GPR137C: variants seen among roughly 807,000 people sequenced by gnomAD.
GPR137C encodes the protein G protein-coupled receptor 137C.
In GPR137C, 27 loss-of-function variants were observed where a neutral mutation model predicts 43.4. The observed-to-expected ratio is 0.62, with a 90% CI of 0.46 to 0.86. The LOEUF is 0.86. Among genes scored for constraint, GPR137C ranks in the 40% least tolerant of loss-of-function variants. GPR137C has a pLI of 0.00. For missense variants in GPR137C, 522 were observed against 534.6 expected, an observed-to-expected ratio of 0.98 and a Z score of 0.23; for synonymous variants, 285 against 226.9, an observed-to-expected ratio of 1.26 and a Z score of -2.30.
chr14:52,625,532 CTTTTTTTTTTTTTTTTT>C (rs770278309), intron 3 of GPR137C, among the ~76,000 whole-genome samples: 21 of 36,076 alleles, frequency 5.8e-4, no homozygotes, highest in African/African-American at 1.3e-3. Context: ...AAGAACACAT[CTTTTTTTTTTTTTTTTT>C]TTTTTTTTTT....
intron 1 of GPR137C, among the ~76,000 whole-genome samples, chr14:52,575,900 A>G (rs2038543524): frequency 6.6e-6 from 1 of 152,184 alleles, no homozygotes; most frequent in Non-Finnish European, 1.5e-5. Flanking sequence ...ACAACCTCCC[A>G]GTTATCTTCT....
chr14:52,633,969 G>T (rs1025998570), intron 6 of GPR137C, 23 bp downstream of exon 6: 1 of 1,300,844 alleles, frequency 7.7e-7, no homozygotes, highest in Non-Finnish European at 1.1e-6. Flanking sequence ...AAGCCACTTA[G>T]CCTGAATTAC....
At chr14:52,615,239 C>G (rs2039085183) in intron 3 of GPR137C, among the ~76,000 whole-genome samples, 1 of 152,072 alleles carries the variant, frequency 6.6e-6, no homozygotes, top group Non-Finnish European at 1.5e-5. Context: ...GTTCTTGGCA[C>G]CTTTGTCAAA....
At chr14:52,605,940 T>C (rs2038979131) in intron 3 of GPR137C, among the ~76,000 whole-genome samples, 1 of 152,238 alleles carries the variant, frequency 6.6e-6, no homozygotes, top group Non-Finnish European at 1.5e-5. Context: ...TGAATTCTGT[T>C]TGCCAGTATT....
chr14:52,615,917 T>TTTAAA, intron 3 of GPR137C, among the ~76,000 whole-genome samples: 1 of 152,376 alleles, frequency 6.6e-6, no homozygotes, highest in Admixed American at 6.5e-5. Flanking sequence ...AAATACTAGT[T>TTTAAA]ATTGTAAATT....
intron 3 of GPR137C, among the ~76,000 whole-genome samples, chr14:52,619,701 A>G (rs1362100581): frequency 6.6e-6 from 1 of 152,070 alleles, no homozygotes; most frequent in Admixed American, 6.6e-5. Context: ...TTCCATGGCC[A>G]GATAGCCCAC....
intron 3 of GPR137C, among the ~76,000 whole-genome samples, chr14:52,625,241 C>T (rs866887590): frequency 5.3e-5 from 8 of 151,858 alleles, no homozygotes; most frequent in African/African-American, 1.5e-4. Context: ...CCCAGGGCTT[C>T]GGGAAGCCGA....
intron 3 of GPR137C, among the ~76,000 whole-genome samples, chr14:52,621,506 G>A (rs2039160508): frequency 2.6e-5 from 4 of 151,864 alleles, no homozygotes; most frequent in Admixed American, 1.3e-4. Context: ...AAATATGTGG[G>A]TAAATATGAT....
chr14:52,624,205 A>G (rs1341568152), intron 3 of GPR137C, among the ~76,000 whole-genome samples: 2 of 149,790 alleles, frequency 1.3e-5, no homozygotes, highest in Non-Finnish European at 3.0e-5. Context: ...AATTCTAAAT[A>G]ACCCATGGGT....
rs1284255216 is a variant in GPR137C at position 52,637,416 on chromosome 14, G to A, written c.*2301G>A. On this transcript the variant is annotated 3_prime_UTR_variant, in exon 7 of 7. Transcript: ENST00000321662. ...AAAGTGAATTTCATTACTTAAGTGT[G>A]TAATTCTATAGTGATTAGCAGTATT... 1 of 152,086 alleles carries A rather than the reference G, an allele frequency of 6.6e-6. No homozygotes were observed. Among genetic ancestry groups the A allele is most frequent in the African/African-American group, 2.4e-5 (1 of 41,384 alleles). 9.4% of individuals were successfully genotyped at this position (152,086 alleles called of 1,614,324 possible).
intron 1 of GPR137C, among the ~76,000 whole-genome samples, chr14:52,571,338 T>G (rs917359958): frequency 6.6e-6 from 1 of 152,076 alleles, no homozygotes; most frequent in African/African-American, 2.4e-5. Context: ...GCTAAAGCAG[T>G]GTTTAGAGGG....
At chr14:52,633,433 A>G in intron 4 of GPR137C, 97 bp from the exon 5 acceptor site, 2 of 975,470 alleles carry the variant, frequency 2.1e-6, no homozygotes, top group Admixed American at 2.4e-5. Flanking sequence ...TGTAGTTGAT[A>G]TATTTTATCT....
Position 52,635,446 on chromosome 14 carries a change from G to C in GPR137C, c.*331G>C, listed in dbSNP as rs951460710. Reference sequence around the variant, plus strand: ...GCAGTCCCCAAAGTCATATGCCAATGTTCACACTGAAATACTGTATTGTAC... The same window carrying C: ...GCAGTCCCCAAAGTCATATGCCAATCTTCACACTGAAATACTGTATTGTAC... On this transcript the variant is annotated 3_prime_UTR_variant, in exon 7 of 7. Transcript: ENST00000321662. 1.9e-5 allele frequency: 4 copies of C among 210,220 alleles called. No homozygotes were observed. The highest frequency in any genetic ancestry group is 4.7e-5 in the African/African-American group (2 of 42,336). 13.0% of individuals were successfully genotyped at this position (210,220 alleles called of 1,614,324 possible).
At chr14:52,575,529 T>C (rs907975381) in intron 1 of GPR137C, among the ~76,000 whole-genome samples, 5 of 152,270 alleles carry the variant, frequency 3.3e-5, no homozygotes, top group Non-Finnish European at 5.9e-5. Flanking sequence ...ACAGATCCTT[T>C]GATTTCTTAA....
At chr14:52,609,076 A>G (rs2039011832) in intron 3 of GPR137C, among the ~76,000 whole-genome samples, 2 of 151,928 alleles carry the variant, frequency 1.3e-5, no homozygotes, top group African/African-American at 4.8e-5. Flanking sequence ...TTGCTTTTTT[A>G]TGTTGGCCCA....
rs1484916551 is a variant in GPR137C at position 52,635,120 on chromosome 14, A to G, written c.*5A>G. On this transcript the variant is annotated 3_prime_UTR_variant, in exon 7 of 7. Coordinates refer to ENST00000321662, the MANE Select transcript of GPR137C (RefSeq NM_001099652.2). ...TATGTGACACCACAAAACTGACAGC[A>G]TCACCAAGTCATGATTCTTGAGTTG... 6.4e-7 allele frequency: 1 copy of G among 1,551,166 alleles called. No individual in the cohort carries two copies. Among genetic ancestry groups the G allele is most frequent in the African/African-American group, 1.4e-5 (1 of 71,564 alleles).
At chr14:52,625,801 A>G (rs1214680163) in intron 3 of GPR137C, among the ~76,000 whole-genome samples, 2 of 151,640 alleles carry the variant, frequency 1.3e-5, no homozygotes, top group African/African-American at 4.8e-5. Context: ...TGATCCACCT[A>G]CCTCGGCCTC....
At chr14:52,558,482 T>C (rs910519491) in intron 1 of GPR137C, among the ~76,000 whole-genome samples, 1 of 152,164 alleles carries the variant, frequency 6.6e-6, no homozygotes, top group South Asian at 2.1e-4. Flanking sequence ...AGGAGCAGAC[T>C]GGGGGGTTTC....
intron 3 of GPR137C, 34 bp from the exon 4 acceptor site, chr14:52,632,126 G>C (rs775053066): frequency 2.0e-5 from 31 of 1,524,514 alleles, no homozygotes; most frequent in African/African-American, 2.7e-5. Flanking sequence ...CAAATGTGTA[G>C]AATACTAAAG....
Sources: gnomAD v4.1 joint callset for allele counts (sites outside exome capture counted in the v4.1 genomes callset) on GRCh38, gnomAD v4.1.1 for gene constraint, MANE v1.5 for transcripts, NCBI Gene and HGNC (gene_info 2026-07-23, HGNC 2026-07-21) for gene names.